KCNK2: variants seen among roughly 807,000 people sequenced by gnomAD.
KCNK2 encodes the protein potassium two pore domain channel subfamily K member 2, also known as potassium channel subfamily K member 2.
Under a neutral mutation model 40.5 loss-of-function variants are expected in KCNK2, and 21 were observed. The observed-to-expected ratio is 0.52, with a 90% CI of 0.37 to 0.75. The LOEUF is 0.75. KCNK2 is among the 30% of genes least tolerant of loss of function. The pLI is 0.00. For synonymous variants in KCNK2, 191 were observed against 202.2 expected (o/e 0.94, Z 0.47); for missense variants, 399 against 531.6 (o/e 0.75, Z 2.45).
chr1:215,190,410 A>G (rs997843288), intron 5 of KCNK2, among the ~76,000 whole-genome samples: 5 of 152,182 alleles, frequency 3.3e-5, no homozygotes, highest in Non-Finnish European at 5.9e-5. Flanking sequence ...TGGTGGATAA[A>G]TGATAAGAAG....
intron 5 of KCNK2, among the ~76,000 whole-genome samples, chr1:215,175,815 G>C (rs999242099): frequency 6.6e-6 from 1 of 152,108 alleles, no homozygotes; most frequent in African/African-American, 2.4e-5. Context: ...CCATGTTGCT[G>C]TAAAGGACAT....
chr1:215,034,767 A>G (rs1203750199), intron 1 of KCNK2, among the ~76,000 whole-genome samples: 1 of 152,084 alleles, frequency 6.6e-6, no homozygotes, highest in Non-Finnish European at 1.5e-5. Context: ...TTTTATCTTT[A>G]CATTAATATT....
intron 3 of KCNK2, among the ~76,000 whole-genome samples, chr1:215,156,216 A>G (rs1186879407): frequency 6.6e-6 from 1 of 152,076 alleles, no homozygotes; most frequent in Non-Finnish European, 1.5e-5. Flanking sequence ...TGGGAATTTT[A>G]TTTATTTGTG....
intron 6 of KCNK2, among the ~76,000 whole-genome samples, chr1:215,226,502 T>C (rs1253857099): frequency 6.6e-6 from 1 of 152,118 alleles, no homozygotes; most frequent in Non-Finnish European, 1.5e-5. Flanking sequence ...ATTTTATGTA[T>C]TTTTGGTAGA....
chr1:215,084,453 A>AT lies in KCNK2; in HGVS notation c.46+1029dup, dbSNP rs1004899141. Among the ~76,000 whole-genome samples the AT allele has an allele frequency of 5.3e-5, 8 of 152,226 alleles. No homozygotes were observed. The East Asian group carries it at 9.6e-4, about 18-fold the overall frequency. The stretch of plus-strand genomic sequence containing the variant: ...GAGATAATTGTGGAACTTCTATGTG[A>AT]TTTTTTTGTTGTTTTTGTTCCAAAG... On this transcript the variant is annotated intron_variant, in intron 1 of 6. Transcript: ENST00000444842.
intron 1 of KCNK2, among the ~76,000 whole-genome samples, chr1:215,077,516 C>T (rs775530846): frequency 7.2e-5 from 11 of 152,160 alleles, no homozygotes; most frequent in Non-Finnish European, 1.5e-4. Flanking sequence ...TCACCTTCTA[C>T]CTGTTCTGCA....
chr1:215,019,965 A>G (rs1558058802), intron 1 of KCNK2, among the ~76,000 whole-genome samples: 1 of 149,328 alleles, frequency 6.7e-6, no homozygotes, highest in Non-Finnish European at 1.5e-5. Flanking sequence ...ATATATATTT[A>G]CCATATTGTA....
chr1:215,053,748 C>T (rs1184566173), intron 1 of KCNK2, among the ~76,000 whole-genome samples: 2 of 152,230 alleles, frequency 1.3e-5, no homozygotes, highest in African/African-American at 4.8e-5. Flanking sequence ...AGGCAGATCA[C>T]TTAAGGCCAG....
intron 2 of KCNK2, among the ~76,000 whole-genome samples, chr1:215,097,577 T>C (rs186831982): frequency 1.3e-5 from 2 of 152,028 alleles, no homozygotes; most frequent in Non-Finnish European, 2.9e-5. Flanking sequence ...TTCCTTATGG[T>C]TTCATGCAGT....
At chr1:215,175,028 G>A (rs897950447) in intron 5 of KCNK2, among the ~76,000 whole-genome samples, 2 of 152,172 alleles carry the variant, frequency 1.3e-5, no homozygotes, top group South Asian at 2.1e-4. Context: ...ATGAGAGAGG[G>A]CATCCTTGTC....
chr1:215,220,370 C>A (rs1666121657), intron 6 of KCNK2, among the ~76,000 whole-genome samples: 1 of 152,184 alleles, frequency 6.6e-6, no homozygotes, highest in South Asian at 2.1e-4. Context: ...CACCAGGAAC[C>A]CTGCAGGGAC....
rs542296557 is a variant in KCNK2, at chr1:215,020,221, T to G, written c.34+14266T>G. Among the ~76,000 whole-genome samples the G allele has an allele frequency of 1.2e-4, 19 of 152,302 alleles. No individual in the cohort carries two copies. The East Asian group carries it at 3.1e-3, about 25-fold the overall frequency. On this transcript the variant is annotated intron_variant, in intron 1 of 6. Coordinates refer to the KCNK2 transcript ENST00000391895. ...GCTGTGAACTCTGTTAATAATGCTTTGGACCAAATCTATTGAATAAATGTA... is the reference window on the plus strand; with the variant it reads ...GCTGTGAACTCTGTTAATAATGCTTGGGACCAAATCTATTGAATAAATGTA...
chr1:215,128,703 G>T (rs1324498490), intron 3 of KCNK2, among the ~76,000 whole-genome samples: 1 of 152,130 alleles, frequency 6.6e-6, no homozygotes, highest in African/African-American at 2.4e-5. Flanking sequence ...CCAGTCTGTG[G>T]CATGACTAAG....
At chr1:215,026,402 A>G (rs1657002314) in intron 1 of KCNK2, among the ~76,000 whole-genome samples, 1 of 151,986 alleles carries the variant, frequency 6.6e-6, no homozygotes, top group Non-Finnish European at 1.5e-5. Context: ...ATATCATATT[A>G]TTTTTAACAC....
chr1:215,025,369 C>A (rs61820013), intron 1 of KCNK2, among the ~76,000 whole-genome samples: 1,529 of 152,070 alleles, frequency 0.01, 23 homozygotes, highest in South Asian at 0.074. Context: ...ATAAGGCTTT[C>A]TTTTCAGTAT....
intron 6 of KCNK2, among the ~76,000 whole-genome samples, chr1:215,209,286 T>C (rs1428231677): frequency 9.6e-6 from 1 of 104,598 alleles, no homozygotes; most frequent in African/African-American, 4.0e-5. Flanking sequence ...ATACACATAT[T>C]TTATATATAA....
intron 1 of KCNK2, among the ~76,000 whole-genome samples, chr1:215,022,413 C>T (rs1656835646): frequency 1.3e-5 from 2 of 152,070 alleles, no homozygotes; most frequent in South Asian, 4.1e-4. Context: ...TATCAGATCT[C>T]TTCAAATCTG....
chr1:215,041,456 A>G (rs1264838420), intron 1 of KCNK2, among the ~76,000 whole-genome samples: 1 of 152,230 alleles, frequency 6.6e-6, no homozygotes, highest in African/African-American at 2.4e-5. Context: ...CTTGTGAGCA[A>G]TTCTGATCCA....
At chr1:215,191,146 G>A (rs1402206373) in intron 5 of KCNK2, among the ~76,000 whole-genome samples, 5 of 151,912 alleles carry the variant, frequency 3.3e-5, no homozygotes, top group East Asian at 2.0e-4. Flanking sequence ...TTCGTCAGGC[G>A]TGGTGGCAGG....
Sources: allele counts gnomAD v4.1 joint callset (sites outside exome capture counted in the v4.1 genomes callset), GRCh38; gene constraint gnomAD v4.1.1; transcripts MANE v1.5; gene names NCBI Gene and HGNC (gene_info 2026-07-23, HGNC 2026-07-21).